The following SEMA3E variants were observed in gnomAD, a reference collection of about 807,000 sequenced individuals.
The protein encoded by SEMA3E is semaphorin 3E.
Under a neutral mutation model 93.6 loss-of-function variants are expected in SEMA3E, and 49 were observed. The observed-to-expected ratio is 0.52, with a 90% CI of 0.42 to 0.66. The LOEUF is 0.66. SEMA3E is among the 30% of genes least tolerant of loss of function. The pLI is 0.00. For missense variants in SEMA3E, 906 were observed against 964.8 expected, an observed-to-expected ratio of 0.94 and a Z score of 0.81; for synonymous variants, 363 against 330.7, an observed-to-expected ratio of 1.10 and a Z score of -1.06.
intron 1 of SEMA3E, among the ~76,000 whole-genome samples, chr7:83,640,438 T>C (rs1170093955): frequency 6.6e-6 from 1 of 152,132 alleles, no homozygotes; most frequent in Non-Finnish European, 1.5e-5. Context: ...CCCTAATTCC[T>C]CTCCTCTCCA....
chr7:83,635,564 A>G (rs975779320), intron 1 of SEMA3E, among the ~76,000 whole-genome samples: 5 of 76,562 alleles, frequency 6.5e-5, no homozygotes, highest in African/African-American at 1.8e-4. Context: ...GTATAGTACC[A>G]AAAAAAAACA....
intron 1 of SEMA3E, among the ~76,000 whole-genome samples, chr7:83,522,033 A>C (rs1383032268): frequency 3.9e-5 from 6 of 152,142 alleles, no homozygotes; most frequent in African/African-American, 1.4e-4. Flanking sequence ...CTCTATATCT[A>C]TTATAAAGAT....
intron 4 of SEMA3E, among the ~76,000 whole-genome samples, chr7:83,423,573 G>T (rs369021225): frequency 2.0e-5 from 3 of 147,954 alleles, no homozygotes; most frequent in African/African-American, 7.5e-5. Context: ...GCACCATCTC[G>T]GCTCACTGCA....
intron 1 of SEMA3E, among the ~76,000 whole-genome samples, chr7:83,609,139 T>C (rs1793193014): frequency 6.6e-6 from 1 of 152,090 alleles, no homozygotes; most frequent in African/African-American, 2.4e-5. Context: ...CTCTACTGTA[T>C]ATTTTATCAT....
At chr7:83,440,936 C>T (rs992715086) in intron 4 of SEMA3E, among the ~76,000 whole-genome samples, 10 of 152,012 alleles carry the variant, frequency 6.6e-5, no homozygotes, top group African/African-American at 2.2e-4. Context: ...TATATTAGAG[C>T]CAGACTCTGA....
chr7:83,479,096 C>G (rs1562800181), intron 2 of SEMA3E, among the ~76,000 whole-genome samples: 1 of 152,170 alleles, frequency 6.6e-6, no homozygotes, highest in Non-Finnish European at 1.5e-5. Flanking sequence ...TCTGTGGTTT[C>G]CATCCTTAAC....
intron 1 of SEMA3E, among the ~76,000 whole-genome samples, chr7:83,607,458 AT>A (rs1270813721): frequency 1.3e-5 from 2 of 152,156 alleles, no homozygotes; most frequent in Non-Finnish European, 2.9e-5. Context: ...GCCAATATTG[AT>A]TAAGTTAGCC....
At chr7:83,453,465 A>G (rs1480677442) in intron 4 of SEMA3E, among the ~76,000 whole-genome samples, 1 of 150,788 alleles carries the variant, frequency 6.6e-6, no homozygotes, top group Non-Finnish European at 1.5e-5. Flanking sequence ...CTCTATTTTT[A>G]TGGCCCGTAA....
At chr7:83,396,102 CACAT>C (rs1788114877) in intron 12 of SEMA3E, among the ~76,000 whole-genome samples, 1 of 151,240 alleles carries the variant, frequency 6.6e-6, no homozygotes, top group African/African-American at 2.4e-5. Context: ...TATATATGCA[CACAT>C]ATATATGTGT....
intron 5 of SEMA3E, among the ~76,000 whole-genome samples, chr7:83,408,743 AT>A (rs1788376191): frequency 6.6e-6 from 1 of 152,170 alleles, no homozygotes; most frequent in Non-Finnish European, 1.5e-5. Flanking sequence ...AAGTAATTGC[AT>A]TCAGTAAGAT....
intron 1 of SEMA3E, among the ~76,000 whole-genome samples, chr7:83,644,625 A>T (rs1367729484): frequency 1.3e-5 from 2 of 151,962 alleles, no homozygotes; most frequent in African/African-American, 4.8e-5. Context: ...GGAAACTGAG[A>T]TGCAGACAAT....
chr7:83,580,097 C>T (rs769562841), intron 1 of SEMA3E, among the ~76,000 whole-genome samples: 6 of 151,832 alleles, frequency 4.0e-5, no homozygotes, highest in South Asian at 4.2e-4. Context: ...ACATGTACAC[C>T]GACAACTATC....
chr7:83,457,600 G>A (rs73707847), intron 4 of SEMA3E, among the ~76,000 whole-genome samples: 6,570 of 152,098 alleles, frequency 0.043, 202 homozygotes, highest in African/African-American at 0.08. Flanking sequence ...CTTTCCTATT[G>A]CAACAACAGT....
At chr7:83,478,212 C>G (rs1016819694) in intron 2 of SEMA3E, among the ~76,000 whole-genome samples, 2 of 152,032 alleles carry the variant, frequency 1.3e-5, no homozygotes, top group African/African-American at 4.8e-5. Flanking sequence ...CGTGAGCCAC[C>G]GTGCCGGGCC....
chr7:83,620,544 A>T (rs1793529821), intron 1 of SEMA3E, among the ~76,000 whole-genome samples: 1 of 152,080 alleles, frequency 6.6e-6, no homozygotes, highest in African/African-American at 2.4e-5. Context: ...GATACAACAA[A>T]AAAAGAAAAC....
Position 83,489,398 on chromosome 7 carries a change from A to AT in SEMA3E, c.276+715dup, listed in dbSNP as rs540723765. On this transcript the variant is annotated intron_variant, in intron 2 of 16. Transcript: ENST00000643230. ...AACCAAGGAATGATGCTTTGTCATA[A>AT]TTAAAAAAAAAATGACTTTAGAAAA... Among the ~76,000 whole-genome samples the AT allele has an allele frequency of 7.1e-3, 979 of 138,790 alleles. 12 individuals carry two copies. The highest frequency in any genetic ancestry group is 0.024 in the African/African-American group (839 of 34,904). 91.1% of individuals were successfully genotyped at this position (138,790 alleles called of 152,430 possible).
At position 83,584,709 on chromosome 7, in the gene SEMA3E, T is replaced by G. The variant is rs562130174; in HGVS notation, c.115+63719A>C. 1.4e-4 allele frequency among the ~76,000 whole-genome samples: 21 copies of G among 152,254 alleles called. 1 individual carries two copies. The highest frequency in any genetic ancestry group is 3.3e-4 in the Admixed American group (5 of 15,274). On this transcript the variant is annotated intron_variant, in intron 1 of 16. Coordinates refer to ENST00000643230, the MANE Select transcript of SEMA3E (RefSeq NM_012431.3). ...CAGTTCCTGTAATATTGACAATAGATGTAAACTTTAAAAAAATAGTGTAAG... is the reference window on the plus strand; with the variant it reads ...CAGTTCCTGTAATATTGACAATAGAGGTAAACTTTAAAAAAATAGTGTAAG...
At chr7:83,537,945 T>G (rs77868341) in intron 1 of SEMA3E, among the ~76,000 whole-genome samples, 19,822 of 152,086 alleles carry the variant, frequency 0.13, 1,972 homozygotes, top group African/African-American at 0.28. Flanking sequence ...ATTTCCTTAT[T>G]CTGGAATTTC....
At chr7:83,388,381 TA>T in intron 14 of SEMA3E, among the ~76,000 whole-genome samples, 1 of 149,916 alleles carries the variant, frequency 6.7e-6, no homozygotes, top group Middle Eastern at 3.5e-3. Flanking sequence ...TAAAATGATT[TA>T]ATATGTAAGC....
Sources: allele counts gnomAD v4.1 joint callset (sites outside exome capture counted in the v4.1 genomes callset), GRCh38; gene constraint gnomAD v4.1.1; transcripts MANE v1.5; gene names NCBI Gene and HGNC (gene_info 2026-07-23, HGNC 2026-07-21).